Variants in NRXN3 observed in about 807,000 individuals in gnomAD.
NRXN3 encodes the protein neurexin III.
A neutral mutation model predicts 137.6 loss-of-function variants in NRXN3; 32 were observed. That is an observed-to-expected ratio of 0.23 (90% CI 0.18 to 0.31). NRXN3 has a LOEUF of 0.31. Ranked by LOEUF, NRXN3 falls within the 10% of genes least tolerant of loss-of-function variation. The pLI is 1.00. For missense variants in NRXN3, 1,574 were observed against 2,062.5 expected (o/e 0.76, Z 4.59); for synonymous variants, 798 against 784.5 (o/e 1.02, Z -0.29).
intron 20 of NRXN3, among the ~76,000 whole-genome samples, chr14:79,842,309 G>A (rs568831891): frequency 3.3e-5 from 5 of 152,276 alleles, no homozygotes; most frequent in Non-Finnish European, 4.4e-5. Context: ...AGGCTGGTTC[G>A]TTACTAGGGA....
At chr14:79,304,139 A>C (rs2085629907) in intron 15 of NRXN3, among the ~76,000 whole-genome samples, 1 of 152,086 alleles carries the variant, frequency 6.6e-6, no homozygotes, top group Non-Finnish European at 1.5e-5. Flanking sequence ...GCATTTAGTC[A>C]TAGAGATTGG....
chr14:78,511,497 C>T (rs755338460), intron 4 of NRXN3, among the ~76,000 whole-genome samples: 12 of 152,186 alleles, frequency 7.9e-5, no homozygotes, highest in Non-Finnish European at 1.2e-4. Flanking sequence ...CAAAGTCATT[C>T]AGAGAACCAG....
chr14:78,173,709 C>CTTTTTTTTTTTTTTTTTTTTT lies in NRXN3; in HGVS notation c.-704+3050_-704+3051insTTTTTTTTTTTTTTTTTTTTT, dbSNP rs10638142. ...CGGCTCTTTTTTCCCTTTTTCCTTG[C>CTTTTTTTTTTTTTTTTTTTTT]TTTTTTTTTTTTTTTGCAACACAAC... On this transcript the variant is annotated intron_variant, in intron 1 of 20. Transcript: ENST00000335750. 3.9e-3 allele frequency among the ~76,000 whole-genome samples: 269 copies of CTTTTTTTTTTTTTTTTTTTTT among 69,330 alleles called. 66 individuals are homozygous for CTTTTTTTTTTTTTTTTTTTTT. The highest frequency in any genetic ancestry group is 5.3e-3 in the Non-Finnish European group (215 of 40,664). 45.5% of individuals were successfully genotyped at this position (69,330 alleles called of 152,430 possible). A position where few individuals can be genotyped will look rare whatever the true frequency, so the allele number is the denominator to read the frequency against.
chr14:79,446,978 TGATTAAAACTA>T (rs2096072847), intron 15 of NRXN3, among the ~76,000 whole-genome samples: 1 of 152,336 alleles, frequency 6.6e-6, no homozygotes, highest in Non-Finnish European at 1.5e-5. Flanking sequence ...TTATACCTGT[TGATTAAAACTA>T]AAGATCCTTT....
intron 4 of NRXN3, among the ~76,000 whole-genome samples, chr14:78,622,280 A>G (rs1391996256): frequency 2.6e-5 from 4 of 152,172 alleles, no homozygotes; most frequent in Non-Finnish European, 1.5e-5. Flanking sequence ...AAGCAAACAT[A>G]TTTCCAAAAT....
intron 16 of NRXN3, among the ~76,000 whole-genome samples, chr14:79,646,340 T>C (rs1455716574): frequency 7.4e-6 from 1 of 135,688 alleles, no homozygotes; most frequent in Non-Finnish European, 1.7e-5. Flanking sequence ...CAGAAGTTCA[T>C]GTTGCAAAGA....
chr14:79,088,660 A>G (rs2152795801), intron 15 of NRXN3, among the ~76,000 whole-genome samples: 1 of 152,286 alleles, frequency 6.6e-6, no homozygotes, highest in Non-Finnish European at 1.5e-5. Flanking sequence ...CAAAGTTTGT[A>G]TAAAAAAGAG....
intron 15 of NRXN3, among the ~76,000 whole-genome samples, chr14:79,222,624 C>T (rs2069989481): frequency 6.6e-6 from 1 of 152,054 alleles, no homozygotes; most frequent in African/African-American, 2.4e-5. Context: ...TGTGGCTGTA[C>T]CATTTTGCAT....
At chr14:78,691,261 G>A (rs1435163551) in intron 6 of NRXN3, among the ~76,000 whole-genome samples, 10 of 152,130 alleles carry the variant, frequency 6.6e-5, no homozygotes, top group Non-Finnish European at 1.2e-4. Context: ...CTCTTAGGAA[G>A]CAACTAAGTT....
chr14:79,055,373 C>T (rs976543975), intron 15 of NRXN3, among the ~76,000 whole-genome samples: 9 of 152,040 alleles, frequency 5.9e-5, no homozygotes, highest in African/African-American at 4.8e-5. Flanking sequence ...AATATTACTC[C>T]GACTGTACAG....
At chr14:79,123,665 T>C (rs2055879726) in intron 15 of NRXN3, among the ~76,000 whole-genome samples, 2 of 152,144 alleles carry the variant, frequency 1.3e-5, no homozygotes, top group Non-Finnish European at 2.9e-5. Context: ...CTGTAATTTC[T>C]AAGAGAACAC....
intron 16 of NRXN3, among the ~76,000 whole-genome samples, chr14:79,609,578 A>T (rs1567652763): frequency 6.6e-6 from 1 of 152,202 alleles, no homozygotes; most frequent in Non-Finnish European, 1.5e-5. Flanking sequence ...TTATATCTTT[A>T]ATGAGGAGGT....
At chr14:78,965,476 G>C (rs1050726766) in intron 11 of NRXN3, among the ~76,000 whole-genome samples, 1 of 152,108 alleles carries the variant, frequency 6.6e-6, no homozygotes, top group African/African-American at 2.4e-5. Context: ...CAGTCCAGGT[G>C]GTTGAAAGGT....
At chr14:78,605,628 T>G (rs1372632235) in intron 4 of NRXN3, among the ~76,000 whole-genome samples, 1 of 152,144 alleles carries the variant, frequency 6.6e-6, no homozygotes, top group Non-Finnish European at 1.5e-5. Flanking sequence ...TGGGTATTTT[T>G]CTATCAAATC....
intron 15 of NRXN3, among the ~76,000 whole-genome samples, chr14:79,056,401 T>A (rs2099663158): frequency 6.6e-6 from 1 of 152,208 alleles, no homozygotes; most frequent in Non-Finnish European, 1.5e-5. Context: ...GCATTTTTTT[T>A]TTCATTCAAG....
At chr14:79,082,996 G>A (rs1029033652) in intron 15 of NRXN3, among the ~76,000 whole-genome samples, 3 of 152,154 alleles carry the variant, frequency 2.0e-5, no homozygotes, top group African/African-American at 7.2e-5. Context: ...CACAACACGG[G>A]ATGGCGGAAG....
chr14:78,735,432 T>G (rs1024908692), intron 8 of NRXN3, among the ~76,000 whole-genome samples: 2 of 151,980 alleles, frequency 1.3e-5, no homozygotes, highest in African/African-American at 4.8e-5. Context: ...GGACAGAGGG[T>G]CTTGCTGTCA....
intron 15 of NRXN3, among the ~76,000 whole-genome samples, chr14:79,133,516 T>C (rs553513321): frequency 1.1e-4 from 17 of 152,342 alleles, no homozygotes; most frequent in African/African-American, 3.6e-4. Context: ...TTACTACCTG[T>C]TATCTCTTTG....
intron 19 of NRXN3, among the ~76,000 whole-genome samples, chr14:79,768,437 G>A (rs2099064087): frequency 6.6e-6 from 1 of 152,216 alleles, no homozygotes; most frequent in Admixed American, 6.5e-5. Flanking sequence ...AGAACGGGCA[G>A]ACTGCCTCCT....
Sources: gnomAD v4.1 joint callset for allele counts (sites outside exome capture counted in the v4.1 genomes callset) on GRCh38, gnomAD v4.1.1 for gene constraint, MANE v1.5 for transcripts, NCBI Gene and HGNC (gene_info 2026-07-23, HGNC 2026-07-21) for gene names.